CCDC148: variants seen among roughly 807,000 people sequenced by gnomAD.
CCDC148 encodes coiled-coil domain-containing protein 148.
Under a neutral mutation model 85.7 loss-of-function variants are expected in CCDC148, and 89 were observed. The ratio of observed to expected loss-of-function variants is 1.04; its 90% CI spans 0.87 to 1.24. CCDC148 has a LOEUF of 1.24. Ranked by LOEUF, CCDC148 falls within the 50% of genes most tolerant of loss-of-function variation. The pLI is 0.00. For missense variants in CCDC148, 692 were observed against 671.7 expected, an observed-to-expected ratio of 1.03 and a Z score of -0.33; for synonymous variants, 230 against 213.9, an observed-to-expected ratio of 1.08 and a Z score of -0.66.
intron 1 of CCDC148, among the ~76,000 whole-genome samples, chr2:158,452,865 T>C (rs1688461267): frequency 6.6e-6 from 1 of 152,198 alleles, no homozygotes; most frequent in Non-Finnish European, 1.5e-5. Flanking sequence ...TGTTAAAATC[T>C]CATGACCCCA....
chr2:158,279,336 G>A (rs960290243), intron 9 of CCDC148, among the ~76,000 whole-genome samples: 8 of 152,118 alleles, frequency 5.3e-5, no homozygotes, highest in African/African-American at 1.9e-4. Context: ...ACGAGCTACA[G>A]GAGGAAATTC....
At chr2:158,272,137 T>C (rs1689726682) in intron 9 of CCDC148, among the ~76,000 whole-genome samples, 1 of 152,206 alleles carries the variant, frequency 6.6e-6, no homozygotes, top group African/African-American at 2.4e-5. Context: ...GAAAATTGTC[T>C]AACAAGCTTA....
intron 1 of CCDC148, among the ~76,000 whole-genome samples, chr2:158,374,190 G>A (rs896373381): frequency 1.3e-5 from 2 of 151,972 alleles, no homozygotes; most frequent in South Asian, 2.1e-4. Flanking sequence ...ACACATGCCC[G>A]CTTTAAAGTT....
chr2:158,250,645 C>T (rs1376597917), intron 10 of CCDC148, 127 bp downstream of exon 10: 4 of 1,319,450 alleles, frequency 3.0e-6, no homozygotes, highest in Non-Finnish European at 3.9e-6. Flanking sequence ...ATAAAACATT[C>T]CACTAGATCT....
rs1688830709 is a variant in CCDC148 at position 158,252,394 on chromosome 2, A to G, written c.1111-1482T>C. Among the ~76,000 whole-genome samples the G allele has an allele frequency of 2.6e-5, 4 of 151,714 alleles. No homozygotes were observed. In the South Asian group the frequency reaches 8.3e-4, roughly 31 times the overall value. ...GGGAACCCCATTCCTAGAATAGATC[A>G]TCCCTGCCTTCTGTCCTGACCTGCT... On this transcript the variant is annotated intron_variant, in intron 9 of 13. Coordinates refer to ENST00000283233, the MANE Select transcript of CCDC148 (RefSeq NM_138803.4).
chr2:158,272,538 A>C (rs973192721), intron 9 of CCDC148, among the ~76,000 whole-genome samples: 6 of 152,236 alleles, frequency 3.9e-5, no homozygotes, highest in African/African-American at 1.4e-4. Flanking sequence ...TATAGGTTAA[A>C]TATGAAGCTG....
At chr2:158,435,352 C>A (rs917425306) in intron 1 of CCDC148, among the ~76,000 whole-genome samples, 1 of 152,130 alleles carries the variant, frequency 6.6e-6, no homozygotes, top group Non-Finnish European at 1.5e-5. Context: ...AATTTTCAAC[C>A]CAGAATTTCA....
rs986857769 is a variant in CCDC148 at position 158,395,643 on chromosome 2, A to T, written c.26-37073T>A. On this transcript the variant is annotated intron_variant, in intron 1 of 13. Transcript: ENST00000283233. The stretch of plus-strand genomic sequence containing the variant: ...TGGACAGCCTTTCCCTGCCTATGTG[A>T]GATCCAGCATAATGCCAACTTCACA... Among the ~76,000 whole-genome samples the T allele has an allele frequency of 7.9e-5, 12 of 152,148 alleles. 2 individuals are homozygous for T. Among genetic ancestry groups the T allele is most frequent in the Admixed American group, 6.6e-4 (10 of 15,258 alleles).
At chr2:158,375,345 T>C (rs1483893883) in intron 1 of CCDC148, among the ~76,000 whole-genome samples, 1 of 152,128 alleles carries the variant, frequency 6.6e-6, no homozygotes, top group Non-Finnish European at 1.5e-5. Flanking sequence ...AAATTTCTTC[T>C]GGCCCCTTTA....
At chr2:158,197,118 T>A (rs1412278291) in intron 11 of CCDC148, among the ~76,000 whole-genome samples, 1 of 152,302 alleles carries the variant, frequency 6.6e-6, no homozygotes, top group Non-Finnish European at 1.5e-5. Context: ...TCATGGAGAA[T>A]GATTGGGAAT....
At chr2:158,411,882 G>A (rs1559127621) in intron 1 of CCDC148, among the ~76,000 whole-genome samples, 1 of 152,160 alleles carries the variant, frequency 6.6e-6, no homozygotes, top group South Asian at 2.1e-4. Flanking sequence ...AGCTGGGTGG[G>A]ATGTGCAGCA....
At chr2:158,267,087 C>G (rs1574507979) in intron 9 of CCDC148, among the ~76,000 whole-genome samples, 1 of 151,852 alleles carries the variant, frequency 6.6e-6, no homozygotes, top group South Asian at 2.1e-4. Context: ...CAACCTCTCC[C>G]GAACTAGATA....
At chr2:158,411,412 T>C (rs1686252557) in intron 1 of CCDC148, among the ~76,000 whole-genome samples, 1 of 152,074 alleles carries the variant, frequency 6.6e-6, no homozygotes, top group Non-Finnish European at 1.5e-5. Flanking sequence ...GACTAAATAG[T>C]TTCAAGTAAC....
In CCDC148 at chr2:158,313,827, G is replaced by C. The variant is rs1692154919; in HGVS notation, c.832C>G (p.Leu278Val). The change falls in exon 8 of 14, where the codon CTC (leucine) becomes GTC (valine). Residue 278 changes from leucine to valine, a missense_variant. Physicochemically the swap from Leu to Val is conservative, Grantham distance 32. Coordinates refer to ENST00000283233, the MANE Select transcript of CCDC148 (RefSeq NM_138803.4). ...AGATACAGAGTCCTTCTTCCAAAGA[G>C]ATCTCCAGGGTACTGATCCAAAATA... The part of the protein sequence containing the change: ...QAILDQYPGD[L>V]FGRRTLYLDM... 6.2e-7 allele frequency: 1 copy of C among 1,613,954 alleles called. No individual in the cohort carries two copies. The highest frequency in any genetic ancestry group is 2.2e-5 in the East Asian group (1 of 44,832).
intron 11 of CCDC148, among the ~76,000 whole-genome samples, chr2:158,188,874 G>A (rs1439951928): frequency 6.6e-6 from 1 of 151,826 alleles, no homozygotes; most frequent in Admixed American, 6.6e-5. Context: ...AATCTATAAG[G>A]AACTTAAGTC....
chr2:158,367,119 AG>A (rs1356768978), intron 1 of CCDC148, among the ~76,000 whole-genome samples: 1 of 152,176 alleles, frequency 6.6e-6, no homozygotes, highest in East Asian at 1.9e-4. Flanking sequence ...GCCATCAGTA[AG>A]TTAAAGGAGA....
At chr2:158,336,441 G>C (rs1288580280) in intron 7 of CCDC148, among the ~76,000 whole-genome samples, 1 of 152,016 alleles carries the variant, frequency 6.6e-6, no homozygotes, top group Non-Finnish European at 1.5e-5. Flanking sequence ...TATTTGGTTA[G>C]GGTACATGTA....
intron 8 of CCDC148, 55 bp from the exon 9 acceptor site, chr2:158,309,694 T>G: frequency 8.3e-7 from 1 of 1,198,310 alleles, no homozygotes. Context: ...GCTTACATTT[T>G]GCATCATTGT....
chr2:158,232,154 A>G (rs1687886099), intron 10 of CCDC148, among the ~76,000 whole-genome samples: 4 of 152,190 alleles, frequency 2.6e-5, no homozygotes, highest in African/African-American at 9.6e-5. Flanking sequence ...AGAAGCACTC[A>G]TTATCCCCTA....
Sources: gnomAD v4.1 joint callset for allele counts (sites outside exome capture counted in the v4.1 genomes callset) on GRCh38, gnomAD v4.1.1 for gene constraint, MANE v1.5 for transcripts, NCBI Gene and HGNC (gene_info 2026-07-23, HGNC 2026-07-21) for gene names.